Variants in SWT1 observed in about 807,000 individuals in gnomAD.
SWT1 encodes the protein SWT1 RNA endoribonuclease homolog.
A neutral mutation model predicts 107.3 loss-of-function variants in SWT1; 33 were observed. The observed-to-expected ratio is 0.31, with a 90% CI of 0.23 to 0.41. The LOEUF is 0.41. SWT1 is among the 10% of genes least tolerant of loss of function. The probability of loss-of-function intolerance (pLI) is 1.00; values close to 1 mark genes in which losing one functional copy is unlikely to be tolerated. For synonymous variants in SWT1, 345 were observed against 348.3 expected (o/e 0.99, Z 0.11); for missense variants, 898 against 1,028.9 (o/e 0.87, Z 1.74).
chr1:185,207,324 T>A (rs569261442), intron 13 of SWT1, among the ~76,000 whole-genome samples: 9 of 152,162 alleles, frequency 5.9e-5, no homozygotes, highest in Non-Finnish European at 1.2e-4. Context: ...ACTTTTGGCT[T>A]CTTGAAGTGC....
intron 16 of SWT1, among the ~76,000 whole-genome samples, chr1:185,243,723 G>T (rs531446877): frequency 3.0e-4 from 45 of 152,060 alleles, no homozygotes; most frequent in African/African-American, 1.1e-3. Context: ...AAGGTAACTG[G>T]AACTATTAAG....
intron 5 of SWT1, 65 bp from the exon 6 acceptor site, chr1:185,180,326 C>T: frequency 7.7e-7 from 1 of 1,305,744 alleles, no homozygotes; most frequent in Non-Finnish European, 1.1e-6. Flanking sequence ...TTAATAGTGA[C>T]AAGGTTGAAA....
At chr1:185,250,499 C>G (rs1476063666) in intron 16 of SWT1, among the ~76,000 whole-genome samples, 3 of 152,078 alleles carry the variant, frequency 2.0e-5, no homozygotes, top group Admixed American at 6.6e-5. Flanking sequence ...CATGTATCTC[C>G]AGATGCAGCC....
rs2102800872 is a variant in SWT1 at position 185,290,614 on chromosome 1, A to G, written c.2574-60A>G. On this transcript the variant is annotated intron_variant, in intron 18 of 18. Coordinates refer to ENST00000367500, the MANE Select transcript of SWT1 (RefSeq NM_017673.7). ...ATTAAAATGTAAAATAAAATGAAAA[A>G]GAATTTTTATTTCTCTGACTAGCTG... 6 of 1,308,408 alleles carry G rather than the reference A, an allele frequency of 4.6e-6. No homozygotes were observed. The East Asian group carries it at 1.3e-4, about 29-fold the overall frequency. The allele number at this position is 1,308,408 out of a possible 1,614,324, so 81.0% of individuals were successfully genotyped here.
chr1:185,226,630 C>T (rs1056160249), intron 15 of SWT1, among the ~76,000 whole-genome samples: 1 of 151,824 alleles, frequency 6.6e-6, no homozygotes, highest in African/African-American at 2.4e-5. Flanking sequence ...TTTCTACTTA[C>T]AAGGAATTTA....
At chr1:185,164,359 A>G (rs1024664216) in intron 2 of SWT1, among the ~76,000 whole-genome samples, 5 of 152,194 alleles carry the variant, frequency 3.3e-5, no homozygotes, top group Non-Finnish European at 7.3e-5. Context: ...ATTGGCTTCA[A>G]CTGAAAGTCA....
intron 10 of SWT1, among the ~76,000 whole-genome samples, chr1:185,198,835 T>G (rs987386379): frequency 6.6e-6 from 1 of 152,050 alleles, no homozygotes; most frequent in Non-Finnish European, 1.5e-5. Context: ...TGTGTGTCTT[T>G]TCACATGAGA....
chr1:185,268,901 T>G (rs150718884), intron 16 of SWT1, among the ~76,000 whole-genome samples: 24 of 151,074 alleles, frequency 1.6e-4, no homozygotes, highest in Non-Finnish European at 2.4e-4. Context: ...TGCCCAGGCT[T>G]GAGTGCAGTG....
intron 2 of SWT1, among the ~76,000 whole-genome samples, chr1:185,165,480 GTC>G (rs1332149870): frequency 6.6e-6 from 1 of 152,274 alleles, no homozygotes; most frequent in East Asian, 1.9e-4. Flanking sequence ...TTACTGCTAT[GTC>G]CATGATCCAA....
intron 16 of SWT1, among the ~76,000 whole-genome samples, chr1:185,266,962 A>G (rs900085214): frequency 6.6e-6 from 1 of 152,194 alleles, no homozygotes; most frequent in Admixed American, 6.5e-5. Context: ...TAAAAGCAAT[A>G]GTTTAACTGT....
intron 4 of SWT1, among the ~76,000 whole-genome samples, chr1:185,171,112 G>T (rs1052397694): frequency 1.3e-5 from 2 of 151,676 alleles, no homozygotes; most frequent in Non-Finnish European, 2.9e-5. Context: ...TAAAGTCACC[G>T]TCTCCTTCTA....
intron 18 of SWT1, among the ~76,000 whole-genome samples, chr1:185,282,772 T>A (rs184985296): frequency 1.6e-3 from 239 of 151,960 alleles, no homozygotes; most frequent in Non-Finnish European, 2.6e-3. Flanking sequence ...GTACACCGAG[T>A]CGGTGTTCAC....
intron 14 of SWT1, among the ~76,000 whole-genome samples, chr1:185,216,003 C>T (rs954423339): frequency 6.6e-6 from 1 of 152,112 alleles, no homozygotes; most frequent in African/African-American, 2.4e-5. Context: ...AGGTTTTTCT[C>T]ATTGATTTTT....
chr1:185,207,032 A>G (rs1336833748), intron 13 of SWT1, among the ~76,000 whole-genome samples: 1 of 152,254 alleles, frequency 6.6e-6, no homozygotes, highest in Non-Finnish European at 1.5e-5. Flanking sequence ...TTGTGAATAT[A>G]TAATTTTTGA....
intron 14 of SWT1, among the ~76,000 whole-genome samples, chr1:185,218,542 C>T (rs957045375): frequency 2.0e-5 from 3 of 152,036 alleles, no homozygotes; most frequent in Non-Finnish European, 4.4e-5. Context: ...AACTCCTGGC[C>T]TCAAGCAATC....
At chr1:185,165,094 TAGAG>T (rs1232576249) in intron 2 of SWT1, among the ~76,000 whole-genome samples, 2 of 152,160 alleles carry the variant, frequency 1.3e-5, no homozygotes, top group African/African-American at 4.8e-5. Context: ...TCTCAGGGAA[TAGAG>T]AGGCCTGAGG....
intron 9 of SWT1, among the ~76,000 whole-genome samples, chr1:185,186,978 C>T (rs1195956474): frequency 6.7e-6 from 1 of 149,978 alleles, no homozygotes; most frequent in Non-Finnish European, 1.5e-5. Flanking sequence ...TGGTCTCTCA[C>T]TCCTGACCTT....
intron 10 of SWT1, among the ~76,000 whole-genome samples, chr1:185,193,423 A>G (rs922507591): frequency 6.7e-6 from 1 of 149,526 alleles, no homozygotes; most frequent in African/African-American, 2.5e-5. Context: ...GGTTGATAGT[A>G]TTCTTCAGGT....
chr1:185,196,373 GT>G (rs1324689000), intron 10 of SWT1, among the ~76,000 whole-genome samples: 1 of 152,182 alleles, frequency 6.6e-6, no homozygotes, highest in Admixed American at 6.5e-5. Flanking sequence ...GTACCATACT[GT>G]TTTTGTTACT....
Sources: allele counts gnomAD v4.1 joint callset (sites outside exome capture counted in the v4.1 genomes callset), GRCh38; gene constraint gnomAD v4.1.1; transcripts MANE v1.5; gene names NCBI Gene and HGNC (gene_info 2026-07-23, HGNC 2026-07-21).